RNF150: variants seen among roughly 807,000 people sequenced by gnomAD.
The protein encoded by RNF150 is ring finger protein 150.
Under a neutral mutation model 39.3 loss-of-function variants are expected in RNF150, and 24 were observed. The ratio of observed to expected loss-of-function variants is 0.61; its 90% CI spans 0.44 to 0.86. The LOEUF is 0.86. RNF150 is among the 40% of genes least tolerant of loss of function. RNF150 has a pLI of 0.00. For synonymous variants in RNF150, 255 were observed against 227.3 expected, an observed-to-expected ratio of 1.12 and a Z score of -1.10; for missense variants, 502 against 587.8, an observed-to-expected ratio of 0.85 and a Z score of 1.51.
At chr4:141,209,440 G>T (rs928357166) in intron 1 of RNF150, among the ~76,000 whole-genome samples, 17 of 152,068 alleles carry the variant, frequency 1.1e-4, no homozygotes, top group Non-Finnish European at 2.9e-5. Context: ...GAGCTGATTT[G>T]CAGTCTTTTT....
At chr4:140,940,638 C>A (rs1269937127) in intron 4 of RNF150, among the ~76,000 whole-genome samples, 1 of 152,152 alleles carries the variant, frequency 6.6e-6, no homozygotes, top group Non-Finnish European at 1.5e-5. Context: ...CAGCTAGGAC[C>A]AAGATGGCAA....
intron 1 of RNF150, among the ~76,000 whole-genome samples, chr4:141,206,146 G>T: frequency 6.6e-6 from 1 of 152,076 alleles, no homozygotes; most frequent in East Asian, 1.9e-4. Flanking sequence ...CTGGCCGGGC[G>T]TGGTGGCTCA....
intron 1 of RNF150, among the ~76,000 whole-genome samples, chr4:141,081,091 G>A (rs1738133470): frequency 6.6e-6 from 1 of 152,212 alleles, no homozygotes; most frequent in African/African-American, 2.4e-5. Context: ...TCAGATGCAA[G>A]CATCCATTAC....
intron 1 of RNF150, among the ~76,000 whole-genome samples, chr4:141,164,202 CA>C (rs1299244601): frequency 6.7e-6 from 1 of 149,886 alleles, no homozygotes; most frequent in African/African-American, 2.5e-5. Context: ...GAAAGGATAT[CA>C]GAGATTAAAG....
chr4:140,906,444 A>G (rs1730377604), intron 6 of RNF150, among the ~76,000 whole-genome samples: 1 of 152,206 alleles, frequency 6.6e-6, no homozygotes, highest in Non-Finnish European at 1.5e-5. Context: ...ATATTACACC[A>G]TTTTATATAA....
intron 2 of RNF150, among the ~76,000 whole-genome samples, chr4:140,960,293 T>C (rs1732967985): frequency 6.6e-6 from 1 of 152,180 alleles, no homozygotes; most frequent in African/African-American, 2.4e-5. Flanking sequence ...AATTAGGCTG[T>C]GTGATACTGT....
chr4:141,117,455 G>A (rs1458022343), intron 1 of RNF150, among the ~76,000 whole-genome samples: 1 of 152,034 alleles, frequency 6.6e-6, no homozygotes. Flanking sequence ...CAGGTGTGTA[G>A]CCTAAAAGAA....
intron 1 of RNF150, among the ~76,000 whole-genome samples, chr4:141,187,281 A>T (rs1050625265): frequency 6.6e-6 from 1 of 152,144 alleles, no homozygotes; most frequent in East Asian, 1.9e-4. Flanking sequence ...TTATATGGTC[A>T]ATTTTAGAAT....
At chr4:140,964,705 A>G (rs1323964007) in intron 2 of RNF150, among the ~76,000 whole-genome samples, 1 of 152,068 alleles carries the variant, frequency 6.6e-6, no homozygotes. Flanking sequence ...AAATTATCCT[A>G]TAAGTTTAAA....
intron 1 of RNF150, among the ~76,000 whole-genome samples, chr4:141,097,035 T>A (rs1738813431): frequency 6.6e-6 from 1 of 152,248 alleles, no homozygotes; most frequent in Non-Finnish European, 1.5e-5. Context: ...AGCCATGTCC[T>A]CAACGGAAAA....
chr4:141,112,727 T>A (rs1739426787), intron 1 of RNF150, among the ~76,000 whole-genome samples: 1 of 152,140 alleles, frequency 6.6e-6, no homozygotes, highest in Non-Finnish European at 1.5e-5. Context: ...TTGAGGAGTA[T>A]CTTTGTGGTG....
At chr4:140,960,640 C>T (rs917947349) in intron 2 of RNF150, among the ~76,000 whole-genome samples, 6 of 152,072 alleles carry the variant, frequency 3.9e-5, no homozygotes, top group African/African-American at 9.7e-5. Context: ...ATCAATCATG[C>T]CTACATGATG....
intron 1 of RNF150, among the ~76,000 whole-genome samples, chr4:141,206,095 C>T (rs1329798879): frequency 2.0e-5 from 3 of 152,120 alleles, no homozygotes; most frequent in Non-Finnish European, 4.4e-5. Context: ...CTGGCAGTTC[C>T]TTCCATCTTT....
At chr4:141,111,654 A>G (rs1443049309) in intron 1 of RNF150, among the ~76,000 whole-genome samples, 2 of 152,354 alleles carry the variant, frequency 1.3e-5, no homozygotes, top group South Asian at 4.1e-4. Context: ...ATTCCTGAGC[A>G]TGAGGAACCA....
At chr4:141,187,244 A>G (rs1339088744) in intron 1 of RNF150, among the ~76,000 whole-genome samples, 1 of 152,204 alleles carries the variant, frequency 6.6e-6, no homozygotes, top group African/African-American at 2.4e-5. Context: ...ATTCTTTTGC[A>G]TTTACTGAGG....
chr4:140,899,812 G>T (rs1340103533), intron 6 of RNF150, among the ~76,000 whole-genome samples: 1 of 133,628 alleles, frequency 7.5e-6, no homozygotes, highest in Non-Finnish European at 1.6e-5. Flanking sequence ...CTTTTCTCCA[G>T]AAGTTTTCCC....
chr4:141,050,091 A>G (rs1273086430), intron 1 of RNF150, among the ~76,000 whole-genome samples: 1 of 152,148 alleles, frequency 6.6e-6, no homozygotes, highest in African/African-American at 2.4e-5. Flanking sequence ...AAAGAACAGC[A>G]GAAACACATA....
At chr4:141,009,975 CT>C (rs1181601738) in intron 1 of RNF150, among the ~76,000 whole-genome samples, 1 of 152,176 alleles carries the variant, frequency 6.6e-6, no homozygotes, top group East Asian at 1.9e-4. Context: ...GGGAGGGAGA[CT>C]GCTGGATGCC....
chr4:141,208,214 A>G (rs1728406326), intron 1 of RNF150, among the ~76,000 whole-genome samples: 1 of 152,252 alleles, frequency 6.6e-6, no homozygotes, highest in African/African-American at 2.4e-5. Context: ...ACTGCCTCTC[A>G]CTGGTGGAAG....
Sources: allele counts gnomAD v4.1 joint callset (sites outside exome capture counted in the v4.1 genomes callset), GRCh38; gene constraint gnomAD v4.1.1; transcripts MANE v1.5; gene names NCBI Gene and HGNC (gene_info 2026-07-23, HGNC 2026-07-21).